The following RFT1 variants were observed in gnomAD, a reference collection of about 807,000 sequenced individuals.
RFT1 encodes man(5)GlcNAc(2)-PP-dolichol translocation protein RFT1.
In RFT1, 43 loss-of-function variants were observed where a neutral mutation model predicts 62.2. The observed-to-expected ratio is 0.69, with a 90% CI of 0.54 to 0.89. The LOEUF is 0.89. Among genes scored for constraint, RFT1 ranks in the 40% least tolerant of loss-of-function variants. RFT1 has a pLI of 0.00. For synonymous variants in RFT1, 262 were observed against 264.6 expected (o/e 0.99, Z 0.10); for missense variants, 605 against 649.9 (o/e 0.93, Z 0.75).
the RFT1 span, among the ~76,000 whole-genome samples, chr3:53,067,814 G>T: frequency 2.0e-4 from 30 of 152,206 alleles, no homozygotes; most frequent in Non-Finnish European, 3.5e-4. Flanking sequence ...CTCCTGGTCA[G>T]TGATAATGGG....
At chr3:53,069,493 G>A in the RFT1 span, among the ~76,000 whole-genome samples, 2 of 152,066 alleles carry the variant, frequency 1.3e-5, no homozygotes, top group African/African-American at 4.8e-5. Flanking sequence ...GATATAAGCA[G>A]ATTCTTCATG....
intron 5 of RFT1, among the ~76,000 whole-genome samples, chr3:53,121,189 T>G (rs1320394867): frequency 1.3e-5 from 2 of 152,204 alleles, no homozygotes; most frequent in Non-Finnish European, 2.9e-5. Context: ...AAATGAAGCC[T>G]AAATTGCTAA....
chr3:53,123,452 CCT>C (rs1181325139), intron 3 of RFT1, among the ~76,000 whole-genome samples: 1 of 152,214 alleles, frequency 6.6e-6, no homozygotes. Flanking sequence ...CAAGAAACCA[CCT>C]CCAAAGAGGA....
chr3:53,071,913 AGCAGGGCTGC>A, the RFT1 span, among the ~76,000 whole-genome samples: 2 of 152,216 alleles, frequency 1.3e-5, no homozygotes, highest in Non-Finnish European at 2.9e-5. Context: ...AGTGAGGGGC[AGCAGGGCTGC>A]CAATGGTCCC....
chr3:53,070,786 C>T, the RFT1 span, among the ~76,000 whole-genome samples: 1 of 151,760 alleles, frequency 6.6e-6, no homozygotes, highest in Non-Finnish European at 1.5e-5. Flanking sequence ...CCTGTAATCC[C>T]AGCACTTTGG....
At chr3:53,086,082 C>T (rs2253796), downstream of RFT1, among the ~76,000 whole-genome samples, 73,770 of 152,050 alleles carry the variant, frequency 0.49, 19,783 homozygotes, top group East Asian at 0.73. Context: ...AAGTAAAACA[C>T]CTTTTCTGCC....
In RFT1 at chr3:53,095,876, C is replaced by A. The variant is rs79288429; in HGVS notation, c.1209-3258G>T. ...AAGGATGGCACTGATATCTTATGTG[C>A]CAAAGTGAGAAGATCATACCCAGCC... On this transcript the variant is annotated intron_variant, in intron 11 of 12. Coordinates refer to ENST00000296292, the MANE Select transcript of RFT1 (RefSeq NM_052859.4). 4.7e-3 allele frequency among the ~76,000 whole-genome samples: 721 copies of A among 152,254 alleles called. 8 individuals carry two copies. The highest frequency in any genetic ancestry group is 0.017 in the African/African-American group (691 of 41,540).
downstream of RFT1, among the ~76,000 whole-genome samples, chr3:53,088,250 G>A (rs1181099391): frequency 2.6e-5 from 4 of 152,164 alleles, no homozygotes; most frequent in Non-Finnish European, 4.4e-5. Context: ...ATGGGGAGAG[G>A]AGCAAAGGAG....
At chr3:53,098,361 C>A (rs1412645476) in intron 11 of RFT1, among the ~76,000 whole-genome samples, 1 of 152,146 alleles carries the variant, frequency 6.6e-6, no homozygotes, top group East Asian at 1.9e-4. Context: ...CAAACAAAGT[C>A]CCCAATCTTT....
At position 53,104,037 on chromosome 3, in the gene RFT1, C is replaced by T. The variant is rs568474177; in HGVS notation, c.1018G>A (p.Gly340Ser). Residue 340 changes from glycine (G) to serine (S), a missense_variant, in exon 10 of 13, where the codon GGC (glycine) becomes AGC (serine). Physicochemically the swap from Gly to Ser is moderately conservative, Grantham distance 56. Coordinates refer to ENST00000296292, the MANE Select transcript of RFT1 (RefSeq NM_052859.4). ...ESLLKLALLA[G>S]LTITVFGFAY... is the part of the protein sequence containing the mutation. ...AAGCCAAAAACAGTGATGGTCAGGC[C>T]GGCCAGCAGGGCCAGCTTGAGCAGG... 3.8e-5 allele frequency: 61 copies of T among 1,614,156 alleles called. No homozygotes were observed. The highest frequency in any genetic ancestry group is 1.3e-4 in the South Asian group (12 of 91,080).
the RFT1 span, among the ~76,000 whole-genome samples, chr3:53,079,356 C>G: frequency 6.6e-6 from 1 of 152,212 alleles, no homozygotes; most frequent in Non-Finnish European, 1.5e-5. Context: ...CCAGACACAT[C>G]TGGTGTCTCC....
chr3:53,092,496 G>A lies in RFT1; in HGVS notation c.1331C>T (p.Thr444Met), dbSNP rs147740901. The change falls in exon 12 of 13, where the codon ACG (threonine) becomes ATG (methionine). Residue 444 changes from threonine to methionine, a missense_variant. Coordinates refer to ENST00000296292, the MANE Select transcript of RFT1 (RefSeq NM_052859.4). ...GCGGTGGATGAAGCAAAGGCTCTGC[G>A]TGATCCGAATGCCCATGTTAAAGCA... ...ANCFNMGIRI[T>M]QSLCFIHRYY... The A allele has an allele frequency of 5.1e-4, 828 of 1,612,476 alleles. 4 individuals are homozygous for A. The highest frequency in any genetic ancestry group is 1.5e-3 in the Middle Eastern group (9 of 6,058).
chr3:53,075,833 A>G, the RFT1 span, among the ~76,000 whole-genome samples: 4 of 152,194 alleles, frequency 2.6e-5, no homozygotes, highest in Non-Finnish European at 5.9e-5. Context: ...GACGAGACAC[A>G]GGGAAGTAGT....
intron 9 of RFT1, among the ~76,000 whole-genome samples, chr3:53,105,410 TCCCCGC>T (rs869125314): frequency 9.4e-5 from 11 of 116,978 alleles, no homozygotes; most frequent in East Asian, 2.2e-4. Flanking sequence ...CAAGACTCTA[TCCCCGC>T]CCCCCCCCCC....
the RFT1 span, among the ~76,000 whole-genome samples, chr3:53,079,021 C>T: frequency 3.3e-5 from 5 of 152,222 alleles, no homozygotes; most frequent in East Asian, 1.9e-4. Flanking sequence ...AATACAGTTC[C>T]GGGCTCTCCA....
chr3:53,087,912 A>C (rs1262311771), downstream of RFT1, among the ~76,000 whole-genome samples: 2 of 152,248 alleles, frequency 1.3e-5, no homozygotes, highest in African/African-American at 4.8e-5. Flanking sequence ...AGTGTGAATG[A>C]GTCACCGAGT....
At chr3:53,109,362 A>G (rs72967404) in intron 7 of RFT1, among the ~76,000 whole-genome samples, 7,729 of 152,286 alleles carry the variant, frequency 0.051, 680 homozygotes, top group African/African-American at 0.18. Context: ...GCCAAGTAAC[A>G]GTTAACCACA....
chr3:53,110,386 C>T (rs149725915), intron 7 of RFT1, among the ~76,000 whole-genome samples: 143 of 152,344 alleles, frequency 9.4e-4, no homozygotes, highest in Middle Eastern at 3.4e-3. Flanking sequence ...CAGTAGTGAA[C>T]GGCACAGTCT....
intron 1 of RFT1, among the ~76,000 whole-genome samples, chr3:53,128,644 G>C (rs112768159): frequency 0.26 from 39,991 of 151,982 alleles, 5,660 homozygotes; most frequent in Middle Eastern, 0.4. Context: ...CTGAGTAGCT[G>C]GGACTACAGG....
Sources: allele counts gnomAD v4.1 joint callset (sites outside exome capture counted in the v4.1 genomes callset), GRCh38; gene constraint gnomAD v4.1.1; transcripts MANE v1.5; gene names NCBI Gene and HGNC (gene_info 2026-07-23, HGNC 2026-07-21).